The following GSE1 variants were observed in gnomAD, a reference collection of about 807,000 sequenced individuals.
GSE1 encodes Gse1 coiled-coil protein.
GSE1 carries 32 observed loss-of-function variants against 112.6 expected under a neutral mutation model. The observed-to-expected ratio is 0.28, with a 90% CI of 0.21 to 0.38. The LOEUF (loss-of-function observed/expected upper bound fraction) is 0.38, where lower values mean the gene tolerates loss of function less well. Among genes scored for constraint, GSE1 ranks in the 10% least tolerant of loss-of-function variants. GSE1 has a pLI of 1.00. For synonymous variants in GSE1, 1,115 were observed against 735.6 expected (o/e 1.52, Z -8.35); for missense variants, 2,348 against 1,699.2 (o/e 1.38, Z -6.71).
chr16:85,665,911 C>T (rs2052812489), intron 12 of GSE1, 65 bp from the exon 13 acceptor site: 18 of 1,483,768 alleles, frequency 1.2e-5, no homozygotes, highest in East Asian at 9.0e-5. Flanking sequence ...CCAGGATCTG[C>T]GTGCTGGACA....
intron 2 of GSE1, among the ~76,000 whole-genome samples, chr16:85,508,331 G>C (rs1027018004): frequency 6.6e-6 from 1 of 152,186 alleles, no homozygotes; most frequent in Non-Finnish European, 1.5e-5. Context: ...ACCACGCCCG[G>C]CCTCCCTCAC....
At position 85,464,673 on chromosome 16, in the gene GSE1, G is replaced by A. The variant is rs776255144; in HGVS notation, c.2464+107030G>A. On this transcript the variant is annotated intron_variant, in intron 2 of 2. Coordinates refer to the GSE1 transcript ENST00000637419. ...GGGCGGAGGGTATACCTGGCCTGCA[G>A]GGTGTGGTGGTTGGATCCTGTGCTG... 5.9e-5 allele frequency among the ~76,000 whole-genome samples: 9 copies of A among 152,372 alleles called. No homozygotes were observed. The South Asian group carries it at 1.9e-3, about 32-fold the overall frequency.
At chr16:85,475,671 T>G (rs2050429497) in intron 2 of GSE1, among the ~76,000 whole-genome samples, 1 of 152,202 alleles carries the variant, frequency 6.6e-6, no homozygotes, top group South Asian at 2.1e-4. Flanking sequence ...GGCCTGAAAT[T>G]TCCCAGGCCA....
intron 1 of GSE1, among the ~76,000 whole-genome samples, chr16:85,208,456 C>T (rs976368207): frequency 2.6e-5 from 4 of 152,202 alleles, no homozygotes; most frequent in Non-Finnish European, 5.9e-5. Flanking sequence ...CCTTCCCTGA[C>T]GCTTTGCCTG....
rs576968246 is a variant in GSE1 at position 85,256,620 on chromosome 16, C to T, written c.2283+84813C>T. On this transcript the variant is annotated intron_variant, in intron 1 of 2. Coordinates refer to the GSE1 transcript ENST00000637419. ...TACGCTGTATTTCCATCCGGGACCC[C>T]GGATTCCACCAGCTCCTCCCCATCC... Among the ~76,000 whole-genome samples the T allele has an allele frequency of 7.9e-5, 12 of 152,364 alleles. No individual in the cohort carries two copies. In the South Asian group the frequency reaches 8.3e-4, roughly 11 times the overall value.
At chr16:85,455,440 C>T (rs2049800250) in intron 2 of GSE1, among the ~76,000 whole-genome samples, 1 of 152,154 alleles carries the variant, frequency 6.6e-6, no homozygotes, top group Non-Finnish European at 1.5e-5. Context: ...AAAGAAACTC[C>T]ACCCAGTGTA....
chr16:85,483,389 G>T (rs1010228439), intron 2 of GSE1, among the ~76,000 whole-genome samples: 7 of 152,246 alleles, frequency 4.6e-5, no homozygotes, highest in Admixed American at 1.3e-4. Flanking sequence ...CCTTGGGCAA[G>T]TCCCTCACCC....
chr16:85,296,932 TGCTCCCCCGGC>T (rs1317597279), intron 1 of GSE1, among the ~76,000 whole-genome samples: 1 of 152,246 alleles, frequency 6.6e-6, no homozygotes, highest in African/African-American at 2.4e-5. Flanking sequence ...ACGCCCAGGC[TGCTCCCCCGGC>T]GCTTCCCCGG....
intron 1 of GSE1, among the ~76,000 whole-genome samples, chr16:85,316,864 C>T (rs554516347): frequency 6.6e-6 from 1 of 152,310 alleles, no homozygotes; most frequent in South Asian, 2.1e-4. Flanking sequence ...GTGGCTGCAG[C>T]CCCTCAGGGC....
intron 1 of GSE1, 128 bp from the exon 2 acceptor site, chr16:85,633,786 C>T (rs2049751254): frequency 6.0e-6 from 4 of 665,106 alleles, no homozygotes; most frequent in South Asian, 1.8e-5. Flanking sequence ...CTTGCTTGTC[C>T]TGCTGGAGCC....
chr16:85,246,434 T>TACACACACACACACCCCACACGCTGCAC (rs1905790577), intron 1 of GSE1, among the ~76,000 whole-genome samples: 1 of 44,442 alleles, frequency 2.3e-5, no homozygotes, highest in Non-Finnish European at 4.1e-5. Context: ...CCATGCTCTC[T>TACACACACACACACCCCACACGCTGCAC]ACACACACAC....
At chr16:85,452,115 C>T (rs915366564) in intron 2 of GSE1, among the ~76,000 whole-genome samples, 33 of 152,062 alleles carry the variant, frequency 2.2e-4, no homozygotes, top group Admixed American at 1.6e-3. Context: ...GTGTCCGGCG[C>T]GAATAATTGG....
intron 2 of GSE1, among the ~76,000 whole-genome samples, chr16:85,489,319 C>T (rs1007428931): frequency 2.0e-5 from 3 of 152,048 alleles, no homozygotes; most frequent in Admixed American, 1.3e-4. Flanking sequence ...AGCAACGTCC[C>T]TGCCACCAAG....
chr16:85,275,980 C>A (rs924650106), intron 1 of GSE1, among the ~76,000 whole-genome samples: 26 of 152,248 alleles, frequency 1.7e-4, no homozygotes, highest in African/African-American at 6.3e-4. Flanking sequence ...TGTCCTTGGC[C>A]TCAGGGTCCC....
At chr16:85,233,418 C>T (rs1260668592) in intron 1 of GSE1, among the ~76,000 whole-genome samples, 1 of 152,176 alleles carries the variant, frequency 6.6e-6, no homozygotes, top group East Asian at 1.9e-4. Flanking sequence ...GTGGTTCGGC[C>T]TTTGGGGAAA....
intron 2 of GSE1, among the ~76,000 whole-genome samples, chr16:85,440,867 G>A (rs1381401385): frequency 3.3e-5 from 5 of 152,202 alleles, no homozygotes; most frequent in Non-Finnish European, 7.3e-5. Context: ...GCTCAGCCCC[G>A]GCCTGGCTTC....
intron 2 of GSE1, among the ~76,000 whole-genome samples, chr16:85,550,646 C>T (rs1013385027): frequency 5.3e-5 from 8 of 152,200 alleles, no homozygotes; most frequent in African/African-American, 1.7e-4. Flanking sequence ...CGAGGCACCC[C>T]GCCGCCTGCA....
chr16:85,184,091 G>C (rs2074651870), intron 1 of GSE1, among the ~76,000 whole-genome samples: 1 of 152,230 alleles, frequency 6.6e-6, no homozygotes, highest in Non-Finnish European at 1.5e-5. Flanking sequence ...GGCGTCACCT[G>C]TGATGTGTCA....
upstream of GSE1, among the ~76,000 whole-genome samples, chr16:85,610,663 C>A (rs2047928765): frequency 6.6e-6 from 1 of 152,192 alleles, no homozygotes; most frequent in Non-Finnish European, 1.5e-5. Flanking sequence ...CCAGGACTCA[C>A]AGAGCGGCTC....
Sources: gnomAD v4.1 joint callset for allele counts (sites outside exome capture counted in the v4.1 genomes callset) on GRCh38, gnomAD v4.1.1 for gene constraint, MANE v1.5 for transcripts, NCBI Gene and HGNC (gene_info 2026-07-23, HGNC 2026-07-21) for gene names.